ATP8B4: variants seen among roughly 807,000 people sequenced by gnomAD.
The protein encoded by ATP8B4 is ATPase phospholipid transporting 8B4 (putative).
ATP8B4 carries 133 observed loss-of-function variants against 145.6 expected under a neutral mutation model. The ratio of observed to expected loss-of-function variants is 0.91; its 90% CI spans 0.79 to 1.05. The LOEUF is 1.05. Ranked by LOEUF, ATP8B4 falls within the 50% of genes least tolerant of loss-of-function variation. The pLI is 0.00. For missense variants in ATP8B4, 1,458 were observed against 1,425.2 expected, an observed-to-expected ratio of 1.02 and a Z score of -0.37; for synonymous variants, 507 against 492.9, an observed-to-expected ratio of 1.03 and a Z score of -0.38.
chr15:49,964,761 C>G (rs886496091), intron 13 of ATP8B4, among the ~76,000 whole-genome samples: 3 of 152,058 alleles, frequency 2.0e-5, no homozygotes, highest in Non-Finnish European at 4.4e-5. Flanking sequence ...AAGTCAAGAG[C>G]CTTCTCCAAA....
intron 6 of ATP8B4, among the ~76,000 whole-genome samples, chr15:50,029,249 A>AC (rs1458154894): frequency 6.6e-6 from 1 of 150,966 alleles, no homozygotes; most frequent in African/African-American, 2.4e-5. Context: ...AAAAAAAAAA[A>AC]AAAAAAAACA....
intron 6 of ATP8B4, chr15:50,019,032 C>T (rs1456702955): frequency 1.3e-5 from 11 of 867,210 alleles, no homozygotes; most frequent in South Asian, 5.6e-5. Flanking sequence ...AATGACAAAT[C>T]TTGATCGGTC....
intron 25 of ATP8B4, among the ~76,000 whole-genome samples, chr15:49,867,662 A>C (rs1268083236): frequency 6.6e-6 from 1 of 152,172 alleles, no homozygotes; most frequent in Admixed American, 6.5e-5. Flanking sequence ...ATTACAACCC[A>C]TTTAAAAGGA....
At chr15:50,049,384 A>T (rs1230217890) in intron 3 of ATP8B4, among the ~76,000 whole-genome samples, 2 of 152,194 alleles carry the variant, frequency 1.3e-5, no homozygotes, top group Non-Finnish European at 2.9e-5. Flanking sequence ...CCCACTCATA[A>T]GTGAGAACTT....
chr15:49,909,217 C>T (rs113146355), intron 20 of ATP8B4, among the ~76,000 whole-genome samples: 2 of 152,198 alleles, frequency 1.3e-5, no homozygotes, highest in African/African-American at 4.8e-5. Context: ...CATCCACTGC[C>T]GTGGCTCCAT....
At chr15:49,989,749 C>A (rs946088138) in intron 9 of ATP8B4, among the ~76,000 whole-genome samples, 2 of 151,986 alleles carry the variant, frequency 1.3e-5, no homozygotes, top group Non-Finnish European at 2.9e-5. Flanking sequence ...GGGAACAAAG[C>A]CAAACTACAT....
At chr15:50,100,431 T>G (rs189080266) in intron 2 of ATP8B4, among the ~76,000 whole-genome samples, 1 of 152,336 alleles carries the variant, frequency 6.6e-6, no homozygotes, top group East Asian at 1.9e-4. Flanking sequence ...CTTGCTACCA[T>G]CAACTTAAAA....
chr15:49,918,196 T>TAG (rs1178654536), intron 19 of ATP8B4, among the ~76,000 whole-genome samples: 1 of 152,216 alleles, frequency 6.6e-6, no homozygotes. Flanking sequence ...TTTTCTTTCA[T>TAG]AGGAAACATA....
At chr15:49,888,047 C>T (rs1185029760) in intron 23 of ATP8B4, among the ~76,000 whole-genome samples, 1 of 152,102 alleles carries the variant, frequency 6.6e-6, no homozygotes, top group Non-Finnish European at 1.5e-5. Context: ...CTTTTGGGGG[C>T]CTTAAAAAAC....
At chr15:49,958,006 T>C (rs886436978) in intron 14 of ATP8B4, among the ~76,000 whole-genome samples, 4 of 151,732 alleles carry the variant, frequency 2.6e-5, no homozygotes, top group Non-Finnish European at 5.9e-5. Flanking sequence ...TTAACCTTAT[T>C]AAGCCACAAA....
At chr15:49,879,129 A>T (rs907909875) in intron 24 of ATP8B4, among the ~76,000 whole-genome samples, 1 of 152,228 alleles carries the variant, frequency 6.6e-6, no homozygotes, top group African/African-American at 2.4e-5. Flanking sequence ...CTTTAGAGCA[A>T]TCTATGGGGT....
At chr15:50,134,354 A>C (rs1357143981) in intron 1 of ATP8B4, among the ~76,000 whole-genome samples, 1 of 152,234 alleles carries the variant, frequency 6.6e-6, no homozygotes, top group African/African-American at 2.4e-5. Flanking sequence ...TGGGAAAGAA[A>C]GGCAAGTGAG....
chr15:49,930,649 G>C (rs562924758), intron 16 of ATP8B4, among the ~76,000 whole-genome samples: 1 of 152,186 alleles, frequency 6.6e-6, no homozygotes, highest in South Asian at 2.1e-4. Context: ...GTGAACAAGT[G>C]AATGGGCTAT....
chr15:50,156,331 T>A (rs1473185100), intron 1 of ATP8B4, among the ~76,000 whole-genome samples: 1 of 151,878 alleles, frequency 6.6e-6, no homozygotes, highest in Non-Finnish European at 1.5e-5. Context: ...TTATCTAGGC[T>A]TCTTTTCCTT....
intron 13 of ATP8B4, among the ~76,000 whole-genome samples, chr15:49,965,371 A>G (rs2044431581): frequency 6.6e-6 from 1 of 152,140 alleles, no homozygotes; most frequent in Non-Finnish European, 1.5e-5. Context: ...TTTTTCTTGG[A>G]TTTCCTTTAC....
At chr15:50,134,951 G>T (rs1204144598) in intron 1 of ATP8B4, among the ~76,000 whole-genome samples, 1 of 72,274 alleles carries the variant, frequency 1.4e-5, no homozygotes, top group Admixed American at 1.5e-4. Flanking sequence ...GTCACTCTGT[G>T]ACTCATCAGA....
chr15:50,137,100 G>A (rs2044132785), intron 1 of ATP8B4, among the ~76,000 whole-genome samples: 1 of 152,076 alleles, frequency 6.6e-6, no homozygotes, highest in Admixed American at 6.6e-5. Context: ...TGTGCAAGAG[G>A]CTTCTCAAAT....
chr15:49,895,454 C>A (rs2037297738), intron 23 of ATP8B4: 2 of 152,048 alleles, frequency 1.3e-5, no homozygotes, highest in East Asian at 3.9e-4. Context: ...CTGGGACTAA[C>A]AATAGATTCA....
chr15:50,061,655 A>C (rs900443970), intron 3 of ATP8B4, among the ~76,000 whole-genome samples: 1 of 152,196 alleles, frequency 6.6e-6, no homozygotes, highest in Non-Finnish European at 1.5e-5. Context: ...CATCATCTTC[A>C]GTCAGTTTAG....
Sources: gnomAD v4.1 joint callset for allele counts (sites outside exome capture counted in the v4.1 genomes callset) on GRCh38, gnomAD v4.1.1 for gene constraint, MANE v1.5 for transcripts, NCBI Gene and HGNC (gene_info 2026-07-23, HGNC 2026-07-21) for gene names.